The following PCDHGB1 variants were observed in gnomAD, a reference collection of about 807,000 sequenced individuals.
PCDHGB1 encodes the protein protocadherin gamma subfamily B, 1.
A neutral mutation model predicts 56.6 loss-of-function variants in PCDHGB1; 34 were observed. The observed-to-expected ratio is 0.60, with a 90% confidence interval of 0.46 to 0.80. The LOEUF is 0.80. PCDHGB1 is among the 30% of genes least tolerant of loss of function. The pLI is 0.00. For missense variants in PCDHGB1, 1,278 were observed against 1,204.6 expected (o/e 1.06, Z -0.90); for synonymous variants, 561 against 505.9 (o/e 1.11, Z -1.46).
intron 1 of PCDHGB1, among the ~76,000 whole-genome samples, chr5:141,449,042 A>G (rs1211970675): frequency 6.6e-6 from 1 of 152,186 alleles, no homozygotes; most frequent in Non-Finnish European, 1.5e-5. Context: ...ATTATTAACC[A>G]GTCTCATAAA....
intron 1 of PCDHGB1, among the ~76,000 whole-genome samples, chr5:141,442,633 C>A (rs1210890820): frequency 6.6e-6 from 1 of 152,158 alleles, no homozygotes; most frequent in Admixed American, 6.5e-5. Flanking sequence ...AGCAGCAAGA[C>A]CAAAGGCCTA....
intron 1 of PCDHGB1, chr5:141,365,072 A>G: frequency 6.2e-7 from 1 of 1,613,904 alleles, no homozygotes; most frequent in Middle Eastern, 1.6e-4. Context: ...ATCCGAGTAC[A>G]GCGTGAGTGT....
At chr5:141,480,497 A>G (rs909585240) in intron 1 of PCDHGB1, among the ~76,000 whole-genome samples, 6 of 152,236 alleles carry the variant, frequency 3.9e-5, no homozygotes, top group Non-Finnish European at 8.8e-5. Flanking sequence ...CCTTAGAAAT[A>G]CACATATGAG....
chr5:141,351,801 G>A lies in PCDHGB1; in HGVS notation c.1541G>A (p.Arg514His). The change falls in exon 1 of 4, where the codon CGC becomes CAC. Residue 514 changes from arginine (R) to histidine (H), a missense_variant. Physicochemically the swap from Arg to His is conservative, Grantham distance 29 (BLOSUM62 0). Coordinates refer to ENST00000523390, the MANE Select transcript of PCDHGB1 (RefSeq NM_018922.3). ...SPQSGVVFAQ[R>H]AFDHEQLRAF... ...CAGAGCGGGGTGGTGTTCGCGCAGC[G>A]CGCCTTCGACCACGAGCAGCTGCGC... 6.2e-7 allele frequency: 1 copy of A among 1,613,308 alleles called. No homozygotes were observed. Among genetic ancestry groups the A allele is most frequent in the Non-Finnish European group, 8.5e-7 (1 of 1,179,894 alleles).
intron 2 of PCDHGB1, among the ~76,000 whole-genome samples, chr5:141,497,622 C>G (rs1434147255): frequency 6.6e-6 from 1 of 151,538 alleles, no homozygotes; most frequent in African/African-American, 2.4e-5. Context: ...TCACTGCAAC[C>G]TCTGCCTGCC....
chr5:141,479,679 T>A (rs1211872684), intron 1 of PCDHGB1: 1 of 152,258 alleles, frequency 6.6e-6, no homozygotes, highest in East Asian at 1.9e-4. Flanking sequence ...AAGGAGAGTC[T>A]TTTTGGTGCC....
intron 1 of PCDHGB1, chr5:141,426,194 T>C (rs1482565872): frequency 6.4e-6 from 1 of 155,380 alleles, no homozygotes; most frequent in Non-Finnish European, 1.4e-5. Context: ...ACTGGGAGCA[T>C]TGAGTTTTCT....
At chr5:141,398,425 C>G (rs2093656331) in intron 1 of PCDHGB1, 2 of 1,519,432 alleles carry the variant, frequency 1.3e-6, no homozygotes, top group East Asian at 2.3e-5. Flanking sequence ...CGGGAAGAAG[C>G]CAGCTTGTGC....
rs750200716 is a variant in PCDHGB1 at position 141,350,243 on chromosome 5, C to T, written c.-18C>T. 1 of 1,505,416 alleles carries T rather than the reference C, an allele frequency of 6.6e-7. No individual in the cohort carries two copies. The highest frequency in any genetic ancestry group is 8.9e-7 in the Non-Finnish European group (1 of 1,128,944). 93.3% of individuals were successfully genotyped at this position (1,505,416 alleles called of 1,614,324 possible). On this transcript the variant is annotated 5_prime_UTR_variant, in exon 1 of 4. Transcript: ENST00000523390. ...AAAAACATCCCAGAGGAAAGAAGCTCCGCGGAGAGTTCCTGAAATGCAGAG... is the reference window on the plus strand; with the variant it reads ...AAAAACATCCCAGAGGAAAGAAGCTTCGCGGAGAGTTCCTGAAATGCAGAG...
chr5:141,509,207 A>C (rs1263006059), intron 3 of PCDHGB1, among the ~76,000 whole-genome samples: 2 of 151,694 alleles, frequency 1.3e-5, no homozygotes, highest in Non-Finnish European at 2.9e-5. Context: ...CTGTCTCTCT[A>C]TTTCTCAATC....
Position 141,392,774 on chromosome 5 carries a change from C to A in PCDHGB1, c.2409+40105C>A, listed in dbSNP as rs752798314. The A allele has an allele frequency of 2.0e-6, 3 of 1,520,452 alleles. No homozygotes were observed. The South Asian group carries it at 3.9e-5, about 20-fold the overall frequency. The allele number at this position is 1,520,452 out of a possible 1,614,324, so 94.2% of individuals were successfully genotyped here. A position where few individuals can be genotyped will look rare whatever the true frequency, so the allele number is the denominator to read the frequency against. On this transcript the variant is annotated intron_variant, in intron 1 of 3. Coordinates refer to ENST00000523390, the MANE Select transcript of PCDHGB1 (RefSeq NM_018922.3). ...AGAAACTAAATAAGACCCATTTATG[C>A]ACAGTGAAGATTCTGAGAGGATTCT...
rs368800698 is a variant in PCDHGB1, at chr5:141,405,118, G to A, written c.2409+52449G>A. The A allele has an allele frequency of 1.1e-5, 18 of 1,613,946 alleles. No homozygotes were observed. The East Asian group carries it at 1.8e-4, about 16-fold the overall frequency. ...TCAGGCTGAGGCACTGGCACTCCTCGCATCTGCTGCGGGCTACCAGTGATG... is the reference window on the plus strand; with the variant it reads ...TCAGGCTGAGGCACTGGCACTCCTCACATCTGCTGCGGGCTACCAGTGATG... On this transcript the variant is annotated intron_variant, in intron 1 of 3. Transcript: ENST00000523390.
chr5:141,380,538 A>G (rs1365489089), intron 1 of PCDHGB1, among the ~76,000 whole-genome samples: 3 of 152,246 alleles, frequency 2.0e-5, no homozygotes, highest in Non-Finnish European at 4.4e-5. Flanking sequence ...TCAATTTGAT[A>G]CAATGAGCTT....
intron 1 of PCDHGB1, chr5:141,403,447 C>G (rs1382965437): frequency 6.2e-7 from 1 of 1,613,924 alleles, no homozygotes; most frequent in Non-Finnish European, 8.5e-7. Context: ...TTGGCGTGAA[C>G]TCCCTCCAGA....
Position 141,350,345 on chromosome 5 carries a change from CA to C in PCDHGB1, c.86del (p.Gln29ArgfsTer11). 6.4e-7 allele frequency: 1 copy of C among 1,556,754 alleles called. No individual in the cohort carries two copies. Among genetic ancestry groups the C allele is most frequent in the African/African-American group, 1.4e-5 (1 of 73,210 alleles). On this transcript the variant is annotated frameshift_variant, in exon 1 of 4. Coordinates refer to ENST00000523390, the MANE Select transcript of PCDHGB1 (RefSeq NM_018922.3). LOFTEE classifies it high-confidence loss of function. ...GTCTTTGTTCTGCGGGGCCATCTCC[CA>C]GCAGATCCGATACACGATTCCAGAG... ...LLSLFCGAIS[Q>X]QIRYTIPEEL...
At chr5:141,469,886 T>A (rs766990419) in intron 1 of PCDHGB1, among the ~76,000 whole-genome samples, 4 of 152,208 alleles carry the variant, frequency 2.6e-5, no homozygotes, top group Non-Finnish European at 4.4e-5. Context: ...ATCTCGGCAC[T>A]TTGGGAAGCC....
chr5:141,475,653 G>T (rs982063429), intron 1 of PCDHGB1, among the ~76,000 whole-genome samples: 2 of 152,238 alleles, frequency 1.3e-5, no homozygotes, highest in African/African-American at 2.4e-5. Context: ...CAAAGAAAGT[G>T]ATTCAAATGT....
intron 1 of PCDHGB1, among the ~76,000 whole-genome samples, chr5:141,452,271 C>A (rs1592214421): frequency 6.6e-6 from 1 of 152,108 alleles, no homozygotes. Flanking sequence ...TTTCTTGAAC[C>A]CTTTCTTACT....
In PCDHGB1 at chr5:141,445,037, GT is replaced by G. The variant is rs2098454887; in HGVS notation, c.2410-49766del. 5.3e-5 allele frequency among the ~76,000 whole-genome samples: 8 copies of G among 152,072 alleles called. No homozygotes were observed. In the South Asian group the frequency reaches 1.7e-3, roughly 32 times the overall value. On this transcript the variant is annotated intron_variant, in intron 1 of 3. Transcript: ENST00000523390. ...TAATTTCTCTCAGCTATGTTGTATAGTTTTCAGTGTAGAGAGGTCATGTATA... is the reference window on the plus strand; with the variant it reads ...TAATTTCTCTCAGCTATGTTGTATAGTTTCAGTGTAGAGAGGTCATGTATA...
Sources: allele counts gnomAD v4.1 joint callset (sites outside exome capture counted in the v4.1 genomes callset), GRCh38; gene constraint gnomAD v4.1.1; transcripts MANE v1.5; gene names NCBI Gene and HGNC (gene_info 2026-07-23, HGNC 2026-07-21).